The following FUT9 variants were observed in gnomAD, a reference collection of about 807,000 sequenced individuals.
The protein encoded by FUT9 is 4-galactosyl-N-acetylglucosaminide 3-alpha-L-fucosyltransferase 9.
In FUT9, 15 loss-of-function variants were observed where a neutral mutation model predicts 29.7. The ratio of observed to expected loss-of-function variants is 0.51; its 90% CI spans 0.34 to 0.78. The LOEUF (loss-of-function observed/expected upper bound fraction) is 0.78, where lower values mean the gene tolerates loss of function less well. FUT9 is among the 30% of genes least tolerant of loss of function. The pLI, the probability that FUT9 is intolerant of heterozygous loss-of-function variation, is 0.01. For missense variants in FUT9, 319 were observed against 425.4 expected (o/e 0.75, Z 2.20); for synonymous variants, 169 against 153.7 (o/e 1.10, Z -0.74).
intron 1 of FUT9, among the ~76,000 whole-genome samples, chr6:96,074,177 A>C (rs190772902): frequency 2.0e-5 from 3 of 152,264 alleles, no homozygotes; most frequent in Admixed American, 2.0e-4. Context: ...CAATATCCAC[A>C]GTGTCCCCAT....
intron 1 of FUT9, among the ~76,000 whole-genome samples, chr6:96,048,587 A>C (rs1770607370): frequency 6.6e-6 from 1 of 152,204 alleles, no homozygotes; most frequent in Non-Finnish European, 1.5e-5. Context: ...AGAATAATGG[A>C]GAGTGAATTC....
intron 1 of FUT9, among the ~76,000 whole-genome samples, chr6:96,106,488 G>C (rs1376002100): frequency 6.6e-6 from 1 of 152,076 alleles, no homozygotes; most frequent in African/African-American, 2.4e-5. Context: ...CCCAATCCCA[G>C]TTCCAAGAGG....
At chr6:96,100,926 C>T (rs960979174) in intron 1 of FUT9, among the ~76,000 whole-genome samples, 1 of 152,002 alleles carries the variant, frequency 6.6e-6, no homozygotes, top group Non-Finnish European at 1.5e-5. Context: ...AGAATTAGGA[C>T]TTAGTGTTTG....
chr6:96,157,373 C>A (rs1398743016), intron 2 of FUT9, among the ~76,000 whole-genome samples: 1 of 152,086 alleles, frequency 6.6e-6, no homozygotes, highest in African/African-American at 2.4e-5. Flanking sequence ...GATTCTCTGT[C>A]TTTTCATAAT....
chr6:96,146,813 T>G (rs1389086958), intron 2 of FUT9, among the ~76,000 whole-genome samples: 2 of 150,584 alleles, frequency 1.3e-5, no homozygotes, highest in Admixed American at 1.3e-4. Context: ...CAGCTGAATA[T>G]GCTCATGGGT....
Position 96,203,825 on chromosome 6 carries a change from G to T in FUT9, c.670G>T (p.Glu224Ter). 1 of 1,611,890 alleles carries T rather than the reference G, an allele frequency of 6.2e-7. No homozygotes were observed. Among genetic ancestry groups the T allele is most frequent in the Non-Finnish European group, 8.5e-7 (1 of 1,178,204 alleles). ...CCATACCTACGGGCAAGCATTTGGA[G>T]AATATGTCAATGATAAAAATTTGAT... is the stretch of plus-strand genomic sequence containing the variant. ...EIHTYGQAFG[E>*]YVNDKNLIPT... The change falls in exon 3 of 3, where the codon GAA becomes TAA. Residue 224 changes from glutamate (E) to a stop codon, truncating the protein, a stop_gained. Coordinates refer to ENST00000302103, the MANE Select transcript of FUT9 (RefSeq NM_006581.4). LOFTEE classifies it high-confidence loss of function.
At chr6:96,200,908 G>A (rs770829164) in intron 2 of FUT9, among the ~76,000 whole-genome samples, 2 of 151,654 alleles carry the variant, frequency 1.3e-5, no homozygotes, top group Admixed American at 6.6e-5. Flanking sequence ...ATCACATCAC[G>A]ATCTATTTCT....
chr6:96,070,665 C>G (rs144160210), intron 1 of FUT9, among the ~76,000 whole-genome samples: 2 of 151,534 alleles, frequency 1.3e-5, no homozygotes, highest in South Asian at 4.2e-4. Flanking sequence ...CCAGCCTGAG[C>G]GACAGAGGAA....
At chr6:96,144,957 T>G (rs1038783818) in intron 2 of FUT9, among the ~76,000 whole-genome samples, 6 of 152,218 alleles carry the variant, frequency 3.9e-5, no homozygotes, top group African/African-American at 1.4e-4. Context: ...ACTTAAGAAC[T>G]GTATTCATTC....
At chr6:96,036,068 A>G (rs1343249127) in intron 1 of FUT9, among the ~76,000 whole-genome samples, 2 of 139,510 alleles carry the variant, frequency 1.4e-5, no homozygotes, top group Non-Finnish European at 3.1e-5. Flanking sequence ...ATATAATATA[A>G]TACAGTATTA....
chr6:96,118,199 T>G (rs1339011447), intron 2 of FUT9, among the ~76,000 whole-genome samples: 1 of 49,002 alleles, frequency 2.0e-5, no homozygotes, highest in Non-Finnish European at 5.2e-5. Context: ...AGTAAGAGTC[T>G]GTCTCAAAAA....
At chr6:96,101,238 T>A (rs1270518618) in intron 1 of FUT9, among the ~76,000 whole-genome samples, 1 of 152,066 alleles carries the variant, frequency 6.6e-6, no homozygotes, top group Non-Finnish European at 1.5e-5. Context: ...GGGAAAAAAA[T>A]ATTAAGAACA....
In FUT9 at chr6:96,025,453, A is replaced by G. The variant is rs76104699; in HGVS notation, c.-98+9241A>G. Reference sequence around the variant, plus strand: ...ACATCTTTGTTACTGATTCTTACAGACTTCTCTCAAATATTTATCTTCCTG... The same window carrying G: ...ACATCTTTGTTACTGATTCTTACAGGCTTCTCTCAAATATTTATCTTCCTG... On this transcript the variant is annotated intron_variant, in intron 1 of 2. Transcript: ENST00000302103. Among the ~76,000 whole-genome samples the G allele has an allele frequency of 4.7e-3, 709 of 151,846 alleles. 7 individuals are homozygous for G. Among genetic ancestry groups the G allele is most frequent in the African/African-American group, 0.016 (672 of 41,464 alleles).
At chr6:96,148,779 C>T (rs1369572054) in intron 2 of FUT9, among the ~76,000 whole-genome samples, 1 of 152,100 alleles carries the variant, frequency 6.6e-6, no homozygotes, top group Non-Finnish European at 1.5e-5. Flanking sequence ...TATTCTGAGT[C>T]TGTACATGCG....
rs1443263425 is a variant in FUT9, at chr6:96,208,600, A to C, written c.*4365A>C. 1.9e-4 allele frequency: 32 copies of C among 166,784 alleles called. No individual in the cohort carries two copies. The allele number at this position is 166,784 out of a possible 1,614,324, so 10.3% of individuals were successfully genotyped here. A position where few individuals can be genotyped will look rare whatever the true frequency, so the allele number is the denominator to read the frequency against. On this transcript the variant is annotated 3_prime_UTR_variant, in exon 3 of 3. Coordinates refer to ENST00000302103, the MANE Select transcript of FUT9 (RefSeq NM_006581.4). ...GATGATATTTTATATTTATTTTGTT[A>C]GTTTGTCACCTGGATGCAAAAGGAA...
Position 96,164,943 on chromosome 6 carries a change from A to G in FUT9, c.-8-38205A>G, listed in dbSNP as rs552520837. ...TTCTGTATGAGACAGTGGTTTCTGT[A>G]TGAACATTTCCATCATTACAGGAAT... On this transcript the variant is annotated intron_variant, in intron 2 of 2. Coordinates refer to ENST00000302103, the MANE Select transcript of FUT9 (RefSeq NM_006581.4). 1.0e-3 allele frequency among the ~76,000 whole-genome samples: 152 copies of G among 152,330 alleles called. No individual in the cohort carries two copies. In the Middle Eastern group the frequency reaches 0.01, roughly 10 times the overall value.
At chr6:96,123,692 T>TA (rs1279441118) in intron 2 of FUT9, among the ~76,000 whole-genome samples, 1 of 152,178 alleles carries the variant, frequency 6.6e-6, no homozygotes, top group African/African-American at 2.4e-5. Context: ...TGTCATTGAT[T>TA]AAGCAGTTTT....
intron 1 of FUT9, among the ~76,000 whole-genome samples, chr6:96,023,238 GAAGGATTA>G (rs757783066): frequency 1.3e-5 from 2 of 151,908 alleles, no homozygotes; most frequent in Non-Finnish European, 2.9e-5. Flanking sequence ...TTGACTACCA[GAAGGATTA>G]AACATTGTGA....
At chr6:96,173,291 T>A (rs537195013) in intron 2 of FUT9, among the ~76,000 whole-genome samples, 1 of 151,812 alleles carries the variant, frequency 6.6e-6, no homozygotes, top group South Asian at 2.1e-4. Context: ...CTCAAAGGAC[T>A]TGCCTTAACT....
Sources: gnomAD v4.1 joint callset for allele counts (sites outside exome capture counted in the v4.1 genomes callset) on GRCh38, gnomAD v4.1.1 for gene constraint, MANE v1.5 for transcripts, NCBI Gene and HGNC (gene_info 2026-07-23, HGNC 2026-07-21) for gene names.